The following DAB1 variants were observed in gnomAD, a reference collection of about 807,000 sequenced individuals.
DAB1 encodes DAB adaptor protein 1.
A neutral mutation model predicts 64.6 loss-of-function variants in DAB1; 15 were observed. The ratio of observed to expected loss-of-function variants is 0.23; its 90% CI spans 0.16 to 0.36. DAB1 has a LOEUF of 0.36. Ranked by LOEUF, DAB1 falls within the 10% of genes least tolerant of loss-of-function variation. The pLI, the probability that DAB1 is intolerant of heterozygous loss-of-function variation, is 1.00. For synonymous variants in DAB1, 235 were observed against 251.9 expected, an observed-to-expected ratio of 0.93 and a Z score of 0.64; for missense variants, 596 against 706.7, an observed-to-expected ratio of 0.84 and a Z score of 1.78.
intron 4 of DAB1, among the ~76,000 whole-genome samples, chr1:58,335,812 T>C (rs2100499631): frequency 6.6e-6 from 1 of 152,206 alleles, no homozygotes; most frequent in South Asian, 2.1e-4. Flanking sequence ...ACTGAATGAA[T>C]TATGGTGCAA....
chr1:57,676,260 G>C (rs575149812), intron 6 of DAB1, among the ~76,000 whole-genome samples: 2 of 152,234 alleles, frequency 1.3e-5, no homozygotes, highest in East Asian at 3.9e-4. Context: ...CAGACACCAG[G>C]GCCCTTTCCA....
At chr1:58,134,862 A>T (rs1653854790) in intron 5 of DAB1, among the ~76,000 whole-genome samples, 2 of 152,162 alleles carry the variant, frequency 1.3e-5, no homozygotes, top group East Asian at 3.9e-4. Context: ...CATATCATGA[A>T]TCTAGGAGGG....
chr1:57,146,694 C>T (rs1659171138), intron 2 of DAB1, among the ~76,000 whole-genome samples: 1 of 152,174 alleles, frequency 6.6e-6, no homozygotes, highest in Non-Finnish European at 1.5e-5. Flanking sequence ...TGAGCATCTC[C>T]TCTGTACCGG....
At chr1:57,408,690 TGAG>T (rs576895800) in intron 1 of DAB1, among the ~76,000 whole-genome samples, 136 of 152,254 alleles carry the variant, frequency 8.9e-4, no homozygotes, top group African/African-American at 3.0e-3. Context: ...GTAGGAGAAA[TGAG>T]GAGCTAATCC....
intron 4 of DAB1, among the ~76,000 whole-genome samples, chr1:58,171,054 A>G (rs1656145683): frequency 6.6e-6 from 1 of 152,130 alleles, no homozygotes; most frequent in Admixed American, 6.5e-5. Flanking sequence ...TGTAATTGGG[A>G]GACTTTGCTC....
At chr1:58,440,589 G>A (rs1644996999) in intron 3 of DAB1, among the ~76,000 whole-genome samples, 1 of 152,188 alleles carries the variant, frequency 6.6e-6, no homozygotes, top group African/African-American at 2.4e-5. Context: ...GGTCTTATTT[G>A]TATAATGGTA....
In DAB1 at chr1:57,062,893, T is replaced by G; in HGVS notation, c.714A>C (p.Gln238His). The change falls in exon 9 of 15, where the codon CAA becomes CAC. Residue 238 changes from glutamine to histidine, a missense_variant. Coordinates refer to ENST00000371236, the MANE Select transcript of DAB1 (RefSeq NM_001365792.1). The stretch of plus-strand genomic sequence containing the variant: ...GAGGAGATGTACTTACACTTACAGG[T>G]TGACTTTTTGGCACATCATAAACAC... ...KEGVYDVPKS[Q>H]PVSAVTQLEL... 1 of 1,614,022 alleles carries G rather than the reference T, an allele frequency of 6.2e-7. No homozygotes were observed. Among genetic ancestry groups the G allele is most frequent in the Non-Finnish European group, 8.5e-7 (1 of 1,179,910 alleles).
chr1:58,117,489 A>T (rs531300748), intron 5 of DAB1, among the ~76,000 whole-genome samples: 1 of 152,280 alleles, frequency 6.6e-6, no homozygotes, highest in Non-Finnish European at 1.5e-5. Context: ...CTCTTTCCAC[A>T]CCAGGTATTG....
chr1:57,936,715 T>G (rs1380543661), intron 5 of DAB1, among the ~76,000 whole-genome samples: 1 of 152,112 alleles, frequency 6.6e-6, no homozygotes, highest in Non-Finnish European at 1.5e-5. Flanking sequence ...AGATGGAGTC[T>G]CGCACTGTTG....
intron 3 of DAB1, among the ~76,000 whole-genome samples, chr1:58,471,250 G>A (rs559397482): frequency 6.6e-6 from 1 of 152,232 alleles, no homozygotes; most frequent in East Asian, 1.9e-4. Context: ...CACAACACTT[G>A]GAAGGCAGGG....
At chr1:57,963,420 T>C (rs557451094) in intron 5 of DAB1, among the ~76,000 whole-genome samples, 4 of 152,314 alleles carry the variant, frequency 2.6e-5, no homozygotes, top group African/African-American at 9.6e-5. Flanking sequence ...TTCTAGATCA[T>C]TGCATTTACC....
At chr1:58,513,728 C>T (rs781185897) in intron 2 of DAB1, among the ~76,000 whole-genome samples, 2 of 152,144 alleles carry the variant, frequency 1.3e-5, no homozygotes, top group Non-Finnish European at 2.9e-5. Context: ...ACATGCCAGG[C>T]ATTGTTTTAA....
At chr1:58,203,422 G>C (rs1658103533) in intron 4 of DAB1, among the ~76,000 whole-genome samples, 1 of 152,178 alleles carries the variant, frequency 6.6e-6, no homozygotes, top group Non-Finnish European at 1.5e-5. Context: ...AATCTGGGAA[G>C]CCTTCCTTGA....
intron 6 of DAB1, among the ~76,000 whole-genome samples, chr1:57,777,426 A>G (rs12184266): frequency 0.2 from 30,136 of 151,598 alleles, 3,338 homozygotes; most frequent in Admixed American, 0.3. Flanking sequence ...CAAATTACGT[A>G]CACGTTAAAT....
At chr1:57,642,555 C>T (rs1446393693) in intron 7 of DAB1, among the ~76,000 whole-genome samples, 2 of 152,180 alleles carry the variant, frequency 1.3e-5, no homozygotes, top group Non-Finnish European at 2.9e-5. Flanking sequence ...CCAATCTTCT[C>T]TTATCAACTC....
At chr1:57,888,426 C>T (rs2101978855), upstream of DAB1, among the ~76,000 whole-genome samples, 1 of 152,270 alleles carries the variant, frequency 6.6e-6, no homozygotes, top group Middle Eastern at 3.4e-3. Flanking sequence ...GGGCACCTTC[C>T]ATTGTGGAAG....
chr1:57,574,151 G>C (rs1312680095), intron 7 of DAB1, among the ~76,000 whole-genome samples: 1 of 152,212 alleles, frequency 6.6e-6, no homozygotes, highest in Non-Finnish European at 1.5e-5. Flanking sequence ...CCCAGGTGAA[G>C]TGGACATAGA....
At chr1:57,181,263 GAAGA>G (rs1299287979) in intron 2 of DAB1, among the ~76,000 whole-genome samples, 1 of 152,200 alleles carries the variant, frequency 6.6e-6, no homozygotes, top group East Asian at 1.9e-4. Flanking sequence ...AGTCTCTACA[GAAGA>G]AAGGCTTGCT....
At chr1:58,421,930 T>C (rs1239993327) in intron 3 of DAB1, among the ~76,000 whole-genome samples, 2 of 152,060 alleles carry the variant, frequency 1.3e-5, no homozygotes, top group Non-Finnish European at 2.9e-5. Context: ...ACTAGGCACA[T>C]GACCTTGTAC....
Sources: gnomAD v4.1 joint callset for allele counts (sites outside exome capture counted in the v4.1 genomes callset) on GRCh38, gnomAD v4.1.1 for gene constraint, MANE v1.5 for transcripts, NCBI Gene and HGNC (gene_info 2026-07-23, HGNC 2026-07-21) for gene names.